EXOC4: variants seen among roughly 807,000 people sequenced by gnomAD.
The protein encoded by EXOC4 is exocyst complex component 4, also known as SEC8-like 1.
Under a neutral mutation model 107.2 loss-of-function variants are expected in EXOC4, and 71 were observed. The ratio of observed to expected loss-of-function variants is 0.66; its 90% CI spans 0.55 to 0.81. EXOC4 has a LOEUF of 0.81. EXOC4 is among the 30% of genes least tolerant of loss of function. EXOC4 has a pLI of 0.00. For missense variants in EXOC4, 1,108 were observed against 1,189.6 expected (o/e 0.93, Z 1.01); for synonymous variants, 456 against 441.2 (o/e 1.03, Z -0.42).
chr7:133,308,044 G>A (rs1461133304), intron 4 of EXOC4, among the ~76,000 whole-genome samples: 2 of 152,190 alleles, frequency 1.3e-5, no homozygotes, highest in Non-Finnish European at 2.9e-5. Flanking sequence ...CCAAAATGAA[G>A]TAGAGAAATT....
At chr7:133,588,916 A>G (rs1801472973) in intron 9 of EXOC4, among the ~76,000 whole-genome samples, 1 of 151,830 alleles carries the variant, frequency 6.6e-6, no homozygotes, top group South Asian at 2.1e-4. Flanking sequence ...ATGTGTATAT[A>G]TATGTGTGTA....
intron 14 of EXOC4, among the ~76,000 whole-genome samples, chr7:133,991,308 G>T (rs1400681569): frequency 6.6e-6 from 1 of 151,112 alleles, no homozygotes; most frequent in African/African-American, 2.4e-5. Flanking sequence ...TTTTGTTTTT[G>T]CTATTGAGTT....
At chr7:133,778,573 G>A (rs1016171336) in intron 10 of EXOC4, among the ~76,000 whole-genome samples, 1 of 152,166 alleles carries the variant, frequency 6.6e-6, no homozygotes, top group African/African-American at 2.4e-5. Context: ...AAGAGAGTGA[G>A]ACTCTGTCTC....
Position 133,507,808 on chromosome 7 carries a change from T to C in EXOC4, c.1417+27670T>C, listed in dbSNP as rs111786007. On this transcript the variant is annotated intron_variant, in intron 9 of 17. Transcript: ENST00000253861. ...GTAAAATGAAAAATCAGTACTGTAA[T>C]CCCAGCACTTTGGGAGGCCGAGGCA... Among the ~76,000 whole-genome samples, 551 of 152,256 alleles carry C rather than the reference T, an allele frequency of 3.6e-3. 5 individuals carry two copies. Among genetic ancestry groups the C allele is most frequent in the African/African-American group, 0.012 (515 of 41,560 alleles).
chr7:133,817,402 A>G lies in EXOC4; in HGVS notation c.1592A>G (p.Tyr531Cys), dbSNP rs948851717. The stretch of plus-strand genomic sequence containing the variant: ...CCTCTTCGAGAGTTTCTCACCGTGT[A>G]CATCAAAAACATCTTTCTCAATCAA... ...QCPLREFLTV[Y>C]IKNIFLNQVL... The change falls in exon 11 of 18, where the codon TAC (tyrosine) becomes TGC (cysteine). Residue 531 changes from tyrosine to cysteine, a missense_variant. Physicochemically the swap from Tyr to Cys is radical, Grantham distance 194 (BLOSUM62 -2). Coordinates refer to ENST00000253861, the MANE Select transcript of EXOC4 (RefSeq NM_021807.4). The G allele has an allele frequency of 1.2e-6, 2 of 1,614,124 alleles. No homozygotes were observed. Among genetic ancestry groups the G allele is most frequent in the Non-Finnish European group, 1.7e-6 (2 of 1,179,990 alleles).
chr7:133,806,366 A>G (rs750931885), intron 10 of EXOC4, among the ~76,000 whole-genome samples: 1 of 152,188 alleles, frequency 6.6e-6, no homozygotes, highest in East Asian at 1.9e-4. Context: ...GAAGAGCTCC[A>G]TGTTGGACAT....
At chr7:133,655,824 C>T (rs1404303221) in intron 10 of EXOC4, among the ~76,000 whole-genome samples, 3 of 152,218 alleles carry the variant, frequency 2.0e-5, no homozygotes, top group Non-Finnish European at 4.4e-5. Context: ...GGAATACACT[C>T]TCAAATAATG....
At chr7:133,661,009 C>T (rs1317589019) in intron 10 of EXOC4, among the ~76,000 whole-genome samples, 1 of 152,074 alleles carries the variant, frequency 6.6e-6, no homozygotes, top group Admixed American at 6.5e-5. Flanking sequence ...AACAGACTAC[C>T]ATGTGTTGTA....
chr7:133,608,842 C>T (rs947378880), intron 9 of EXOC4, among the ~76,000 whole-genome samples: 1 of 152,124 alleles, frequency 6.6e-6, no homozygotes, highest in African/African-American at 2.4e-5. Context: ...CCATCACCCC[C>T]AACCTTAACC....
At chr7:134,034,573 G>C in intron 17 of EXOC4, among the ~76,000 whole-genome samples, 1 of 152,280 alleles carries the variant, frequency 6.6e-6, no homozygotes, top group East Asian at 1.9e-4. Flanking sequence ...TTCCCCCTTC[G>C]ATCAGCACTT....
chr7:133,357,596 G>A (rs1796049918), intron 6 of EXOC4, among the ~76,000 whole-genome samples: 1 of 152,130 alleles, frequency 6.6e-6, no homozygotes, highest in Non-Finnish European at 1.5e-5. Flanking sequence ...TCATAATCTT[G>A]TAGATACGTT....
intron 9 of EXOC4, among the ~76,000 whole-genome samples, chr7:133,580,505 C>G (rs147523751): frequency 6.6e-6 from 1 of 152,134 alleles, no homozygotes; most frequent in Non-Finnish European, 1.5e-5. Context: ...GCCAACGCTC[C>G]TACATTTCTG....
chr7:133,895,884 A>G, intron 12 of EXOC4, 149 bp downstream of exon 12: 2 of 818,444 alleles, frequency 2.4e-6, no homozygotes, highest in Non-Finnish European at 3.8e-6. Context: ...ATAGCCTCCT[A>G]GACCTTTGTG....
chr7:133,935,014 G>C (rs571923995), intron 13 of EXOC4, among the ~76,000 whole-genome samples: 96 of 151,478 alleles, frequency 6.3e-4, no homozygotes, highest in African/African-American at 2.1e-3. Context: ...ACTTGAAATA[G>C]CAGTGGCTTA....
Position 134,064,429 on chromosome 7 carries a change from G to C in EXOC4, c.2826G>C (p.Leu942=), listed in dbSNP as rs1469430978. 1.2e-6 allele frequency: 2 copies of C among 1,608,834 alleles called. No homozygotes were observed. The highest frequency in any genetic ancestry group is 1.7e-6 in the Non-Finnish European group (2 of 1,177,380). Residue 942 remains leucine, a synonymous_variant, in exon 18 of 18, where the codon CTG becomes CTC. Coordinates refer to ENST00000253861, the MANE Select transcript of EXOC4 (RefSeq NM_021807.4). Reference sequence around the variant, plus strand: ...GCAGCCAGACTGGGGTGGGGGAACTGACCACCCAGAACACGAGGCTGCAGA... The same window carrying C: ...GCAGCCAGACTGGGGTGGGGGAACTCACCACCCAGAACACGAGGCTGCAGA... ...LHRSQTGVGE[L]TTQNTRLQRL... is the part of the protein sequence containing the mutation.
downstream of EXOC4, chr7:134,066,472 G>A (rs1395597586): frequency 6.6e-6 from 1 of 152,212 alleles, no homozygotes; most frequent in Non-Finnish European, 1.5e-5. Flanking sequence ...TCTCTGCTTT[G>A]CTTACAATGA....
At chr7:133,967,864 G>A (rs983915684) in intron 14 of EXOC4, among the ~76,000 whole-genome samples, 11 of 152,166 alleles carry the variant, frequency 7.2e-5, no homozygotes, top group Non-Finnish European at 1.6e-4. Context: ...CCAGAGCTGA[G>A]TTCAAGTCCT....
At chr7:133,329,922 A>G (rs151305357) in intron 5 of EXOC4, among the ~76,000 whole-genome samples, 1 of 152,228 alleles carries the variant, frequency 6.6e-6, no homozygotes, top group East Asian at 1.9e-4. Flanking sequence ...ACTTGAGGCA[A>G]TCTGACCCTT....
At chr7:133,606,903 C>T (rs1329877930) in intron 9 of EXOC4, among the ~76,000 whole-genome samples, 1 of 152,140 alleles carries the variant, frequency 6.6e-6, no homozygotes, top group Non-Finnish European at 1.5e-5. Context: ...CTTTCTTTCT[C>T]TTCTCCCTAA....
Sources: gnomAD v4.1 joint callset for allele counts (sites outside exome capture counted in the v4.1 genomes callset) on GRCh38, gnomAD v4.1.1 for gene constraint, MANE v1.5 for transcripts, NCBI Gene and HGNC (gene_info 2026-07-23, HGNC 2026-07-21) for gene names.